Variants in RGS17 observed in about 807,000 individuals in gnomAD.
RGS17 encodes regulator of G-protein signaling 17.
Under a neutral mutation model 25.5 loss-of-function variants are expected in RGS17, and 12 were observed. The ratio of observed to expected loss-of-function variants is 0.47; its 90% CI spans 0.30 to 0.76. The LOEUF is 0.76. Among genes scored for constraint, RGS17 ranks in the 30% least tolerant of loss-of-function variants. The probability of loss-of-function intolerance (pLI) is 0.07; values close to 1 mark genes in which losing one functional copy is unlikely to be tolerated. For synonymous variants in RGS17, 71 were observed against 76.9 expected, an observed-to-expected ratio of 0.92 and a Z score of 0.40; for missense variants, 196 against 242.2, an observed-to-expected ratio of 0.81 and a Z score of 1.27.
intron 1 of RGS17, among the ~76,000 whole-genome samples, chr6:153,059,184 C>A (rs1776603035): frequency 6.6e-6 from 1 of 152,100 alleles, no homozygotes; most frequent in African/African-American, 2.4e-5. Context: ...TATAAAAAGA[C>A]TATAAAATAG....
chr6:153,094,248 G>C lies in RGS17; in HGVS notation c.-26+36876C>G, dbSNP rs554275597. ...ATACCACCACGCCCGGCTAATTTTTGTATTTTTTTTAGCAGAGATGGGGTT... is the reference window on the plus strand; with the variant it reads ...ATACCACCACGCCCGGCTAATTTTTCTATTTTTTTTAGCAGAGATGGGGTT... On this transcript the variant is annotated intron_variant, in intron 1 of 4. Coordinates refer to ENST00000206262, the MANE Select transcript of RGS17 (RefSeq NM_012419.5). Among the ~76,000 whole-genome samples the C allele has an allele frequency of 8.6e-5, 13 of 151,864 alleles. No homozygotes were observed. The South Asian group carries it at 2.7e-3, about 32-fold the overall frequency.
intron 1 of RGS17, among the ~76,000 whole-genome samples, chr6:153,113,869 C>A (rs747184612): frequency 6.4e-4 from 98 of 152,250 alleles, no homozygotes; most frequent in Non-Finnish European, 4.4e-4. Flanking sequence ...TAAATAAGTT[C>A]TTTGAAACCA....
At chr6:153,120,154 C>T (rs1416820096) in intron 1 of RGS17, among the ~76,000 whole-genome samples, 4 of 152,186 alleles carry the variant, frequency 2.6e-5, no homozygotes, top group Non-Finnish European at 5.9e-5. Context: ...TCATTCTGGA[C>T]GCTATATGGC....
rs563852766 is a variant in RGS17 at position 153,051,760 on chromosome 6, T to C, written c.-25-7717A>G. 7.9e-5 allele frequency among the ~76,000 whole-genome samples: 12 copies of C among 152,278 alleles called. No individual in the cohort carries two copies. The South Asian group carries it at 2.5e-3, about 32-fold the overall frequency. ...AACAAGAAACTAGAACTTATGAGCT[T>C]GGAAAATTCTCAGCCAATCCATATT... is the stretch of plus-strand genomic sequence containing the variant. On this transcript the variant is annotated intron_variant, in intron 1 of 4. Coordinates refer to ENST00000206262, the MANE Select transcript of RGS17 (RefSeq NM_012419.5).
At chr6:153,015,004 T>C (rs188696694) in intron 4 of RGS17, among the ~76,000 whole-genome samples, 8 of 152,262 alleles carry the variant, frequency 5.3e-5, no homozygotes, top group Admixed American at 2.0e-4. Context: ...CCTGGATGAT[T>C]TTGAGGAGTT....
At chr6:153,073,996 C>T (rs1173606401) in intron 1 of RGS17, among the ~76,000 whole-genome samples, 2 of 152,070 alleles carry the variant, frequency 1.3e-5, no homozygotes, top group Non-Finnish European at 2.9e-5. Context: ...AGTGTAATAT[C>T]CAGACCTAAA....
intron 4 of RGS17, among the ~76,000 whole-genome samples, chr6:153,018,139 T>A (rs1356484270): frequency 1.3e-5 from 2 of 152,228 alleles, no homozygotes; most frequent in Admixed American, 6.5e-5. Flanking sequence ...GTCTGGATGA[T>A]AGGAAAGTAT....
At chr6:153,103,893 C>T (rs1562335014) in intron 1 of RGS17, among the ~76,000 whole-genome samples, 3 of 152,126 alleles carry the variant, frequency 2.0e-5, no homozygotes. Flanking sequence ...GATTCTAAAC[C>T]ATAATTACCA....
At chr6:153,111,190 T>C (rs976749088) in intron 1 of RGS17, among the ~76,000 whole-genome samples, 11 of 152,184 alleles carry the variant, frequency 7.2e-5, no homozygotes, top group East Asian at 3.9e-4. Flanking sequence ...TAAGCTCCAC[T>C]GGCTTGAAAT....
At chr6:153,080,873 G>A (rs1306555290) in intron 1 of RGS17, among the ~76,000 whole-genome samples, 1 of 151,290 alleles carries the variant, frequency 6.6e-6, no homozygotes, top group African/African-American at 2.4e-5. Flanking sequence ...TTGGAAAGGT[G>A]TAGTTTGACT....
Position 153,129,843 on chromosome 6 carries a change from G to A in RGS17, c.-26+1281C>T, listed in dbSNP as rs552660764. Among the ~76,000 whole-genome samples, 8 of 152,340 alleles carry A rather than the reference G, an allele frequency of 5.3e-5. No individual in the cohort carries two copies. The East Asian group carries it at 1.5e-3, about 29-fold the overall frequency. On this transcript the variant is annotated intron_variant, in intron 1 of 4. Transcript: ENST00000206262. ...AGGGGAGGTCAGGAGAGTTATGCCA[G>A]GAGCCAGGGTCAATCGTCCCCGGGC...
intron 3 of RGS17, among the ~76,000 whole-genome samples, chr6:153,024,829 T>G: frequency 6.6e-6 from 1 of 152,202 alleles, no homozygotes; most frequent in East Asian, 1.9e-4. Context: ...TGTTGCAAGT[T>G]GATAGAAACT....
At chr6:153,123,027 CTCCA>C (rs1777658754) in intron 1 of RGS17, among the ~76,000 whole-genome samples, 1 of 148,364 alleles carries the variant, frequency 6.7e-6, no homozygotes, top group African/African-American at 2.6e-5. Flanking sequence ...GTATTTAATA[CTCCA>C]ATGTACACTG....
chr6:153,061,839 TACCTGTATATTGAAGA>T (rs1776643605), intron 1 of RGS17, among the ~76,000 whole-genome samples: 1 of 152,226 alleles, frequency 6.6e-6, no homozygotes, highest in South Asian at 2.1e-4. Context: ...TACTTCATAA[TACCTGTATATTGAAGA>T]ACAGCTTTAC....
At chr6:153,053,840 G>T (rs1157609277) in intron 1 of RGS17, among the ~76,000 whole-genome samples, 1 of 145,842 alleles carries the variant, frequency 6.9e-6, no homozygotes, top group East Asian at 2.0e-4. Flanking sequence ...TAGAGTTTTG[G>T]GTATGGGAGT....
At chr6:153,125,937 C>A (rs545381080) in intron 1 of RGS17, among the ~76,000 whole-genome samples, 3 of 152,262 alleles carry the variant, frequency 2.0e-5, no homozygotes, top group Admixed American at 6.5e-5. Flanking sequence ...ACTTTTGAAA[C>A]CAAATTTGTC....
chr6:153,075,170 G>A (rs1386093394), intron 1 of RGS17, among the ~76,000 whole-genome samples: 1 of 152,066 alleles, frequency 6.6e-6, no homozygotes, highest in Non-Finnish European at 1.5e-5. Context: ...TGAAACTTTT[G>A]TTTAAACTTT....
intron 1 of RGS17, among the ~76,000 whole-genome samples, chr6:153,049,128 T>C (rs986497540): frequency 6.6e-6 from 1 of 152,162 alleles, no homozygotes; most frequent in Non-Finnish European, 1.5e-5. Context: ...CTTTACTATT[T>C]ACAAATGATA....
chr6:153,078,518 AAT>A (rs1297704313), intron 1 of RGS17, among the ~76,000 whole-genome samples: 18 of 151,984 alleles, frequency 1.2e-4, no homozygotes, highest in Non-Finnish European at 7.4e-5. Flanking sequence ...TTACTTATAA[AAT>A]ACAATAGGGT....
Sources: gnomAD v4.1 joint callset for allele counts (sites outside exome capture counted in the v4.1 genomes callset) on GRCh38, gnomAD v4.1.1 for gene constraint, MANE v1.5 for transcripts, NCBI Gene and HGNC (gene_info 2026-07-23, HGNC 2026-07-21) for gene names.